SMARCA1: variants seen among roughly 807,000 people sequenced by gnomAD.
SMARCA1 encodes the protein SNF2 related chromatin remodeling ATPase 1.
A neutral mutation model predicts 93.6 loss-of-function variants in SMARCA1; 17 were observed. The ratio of observed to expected loss-of-function variants is 0.18; its 90% confidence interval spans 0.12 to 0.27. SMARCA1 has a LOEUF of 0.27. SMARCA1 is among the 10% of genes least tolerant of loss of function. The pLI is 1.00. For synonymous variants in SMARCA1, 271 were observed against 271.4 expected (o/e 1.00, Z 0.01); for missense variants, 630 against 819.0 (o/e 0.77, Z 2.82).
intron 14 of SMARCA1, among the ~76,000 whole-genome samples, chrX:129,491,513 C>T (rs1473992564): frequency 4.5e-5 from 5 of 111,635 alleles, no homozygotes; most frequent in Admixed American, 2.9e-4. Flanking sequence ...TGCCTTCTCT[C>T]CCAAATTGTT....
chrX:129,470,393 AAATAAT>A (rs200015779), intron 20 of SMARCA1, among the ~76,000 whole-genome samples: 1 of 110,257 alleles, frequency 9.1e-6, no homozygotes, highest in East Asian at 2.8e-4. Context: ...TGATCACCTT[AAATAAT>A]AATAATAATA....
chrX:129,480,674 A>G, intron 19 of SMARCA1, 27 bp downstream of exon 19: 4 of 669,466 alleles, frequency 6.0e-6, no homozygotes, highest in Non-Finnish European at 8.5e-6. Flanking sequence ...ATTATATTAT[A>G]TTAATCTTAA....
At chrX:129,452,828 C>T (rs1297210911) in intron 23 of SMARCA1, among the ~76,000 whole-genome samples, 3 of 112,058 alleles carry the variant, frequency 2.7e-5, no homozygotes, top group South Asian at 3.8e-4. Context: ...ACAAATTGCA[C>T]GTCTGTAGCA....
intron 23 of SMARCA1, among the ~76,000 whole-genome samples, chrX:129,451,293 G>A (rs1206658962): frequency 9.0e-6 from 1 of 111,724 alleles, no homozygotes; most frequent in East Asian, 2.8e-4. Context: ...AGTTGACCCT[G>A]ATGAGATTTG....
intron 19 of SMARCA1, among the ~76,000 whole-genome samples, chrX:129,472,246 C>T (rs1933160807): frequency 9.0e-6 from 1 of 111,579 alleles, no homozygotes; most frequent in South Asian, 3.8e-4. Flanking sequence ...CAAGGAAGCA[C>T]ATTGATTTAA....
chrX:129,480,988 G>T, intron 18 of SMARCA1, 87 bp downstream of exon 18: 2 of 606,503 alleles, frequency 3.3e-6, no homozygotes, highest in Non-Finnish European at 5.2e-6. Context: ...CTATGATTTG[G>T]CAATGATACA....
intron 10 of SMARCA1, among the ~76,000 whole-genome samples, chrX:129,498,523 T>C (rs1026887115): frequency 8.9e-6 from 1 of 111,732 alleles, no homozygotes; most frequent in Non-Finnish European, 1.9e-5. Flanking sequence ...CGATCAATGA[T>C]AATATGTAAT....
chrX:129,498,890 T>A (rs371155194), intron 10 of SMARCA1, among the ~76,000 whole-genome samples: 6 of 112,297 alleles, frequency 5.3e-5, no homozygotes, highest in East Asian at 5.5e-4. Flanking sequence ...TTCCCACTTA[T>A]GATTCCTTGT....
chrX:129,517,111 T>C (rs1315982463), intron 2 of SMARCA1, among the ~76,000 whole-genome samples: 1 of 111,280 alleles, frequency 9.0e-6, no homozygotes, highest in Non-Finnish European at 1.9e-5. Context: ...TTTGTGCTAG[T>C]AGCGTATAAA....
At chrX:129,503,960 C>G (rs1352544280) in intron 9 of SMARCA1, among the ~76,000 whole-genome samples, 4 of 84,235 alleles carry the variant, frequency 4.7e-5, no homozygotes, top group African/African-American at 1.9e-4. Flanking sequence ...GCGAGACTCT[C>G]TCTCAAAAAA....
At position 129,466,603 on chromosome X, in the gene SMARCA1, C is replaced by T. The variant is rs562725245; in HGVS notation, c.2699-641G>A. Among the ~76,000 whole-genome samples the T allele has an allele frequency of 7.2e-5, 8 of 110,768 alleles. No homozygotes were observed. The South Asian group carries it at 2.7e-3, about 37-fold the overall frequency. ...CCGGAAAGTGGAGGTTGCAGTGAGC[C>T]GAGATCGCGCCACTGCACTCCAGCC... On this transcript the variant is annotated intron_variant, in intron 21 of 24. Coordinates refer to ENST00000371121, the MANE Select transcript of SMARCA1 (RefSeq NM_001282874.2).
chrX:129,455,317 A>C (rs1932559512), intron 23 of SMARCA1, among the ~76,000 whole-genome samples: 1 of 110,782 alleles, frequency 9.0e-6, no homozygotes, highest in Non-Finnish European at 1.9e-5. Flanking sequence ...GACATAGATG[A>C]AGCTGGAAAC....
chrX:129,499,989 AACC>A, intron 9 of SMARCA1, 148 bp from the exon 10 acceptor site: 1 of 304,907 alleles, frequency 3.3e-6, no homozygotes, highest in Non-Finnish European at 5.8e-6. Context: ...CTTGGTAAAG[AACC>A]ACCAAGTAAG....
chrX:129,495,129 G>A (rs1176609318), intron 12 of SMARCA1, among the ~76,000 whole-genome samples: 1 of 112,278 alleles, frequency 8.9e-6, no homozygotes, highest in Non-Finnish European at 1.9e-5. Context: ...GTGCGAGCAT[G>A]CCCTGTGATG....
chrX:129,482,175 C>T (rs1475784071), intron 17 of SMARCA1, among the ~76,000 whole-genome samples: 4 of 65,703 alleles, frequency 6.1e-5, no homozygotes, highest in Non-Finnish European at 1.1e-4. Context: ...ACTCTGGGGA[C>T]TGTTGTGGGG....
rs776600300 is a variant in SMARCA1, at chrX:129,481,606, G to C, written c.2218-421C>G. On this transcript the variant is annotated intron_variant, in intron 17 of 24. Transcript: ENST00000371121. ...ATGCTCATCATCACTGGCCATCAGA[G>C]AAATGCAAATCAAAACCACAATGAG... is the stretch of plus-strand genomic sequence containing the variant. Among the ~76,000 whole-genome samples the C allele has an allele frequency of 1.2e-3, 137 of 111,809 alleles. 1 individual carries two copies. Among genetic ancestry groups the C allele is most frequent in the African/African-American group, 4.0e-3 (123 of 30,759 alleles).
At position 129,490,187 on chromosome X, in the gene SMARCA1, T is replaced by C; in HGVS notation, c.1821A>G (p.Arg607=). 13 of 1,184,475 alleles carry C rather than the reference T, an allele frequency of 1.1e-5. No individual in the cohort carries two copies. The highest frequency in any genetic ancestry group is 1.7e-5 in the African/African-American group (1 of 57,235). Residue 607 remains arginine, a synonymous_variant, in exon 15 of 25, where the codon CGA becomes CGG. Coordinates refer to ENST00000371121, the MANE Select transcript of SMARCA1 (RefSeq NM_001282874.2). ...GTTTCTTCTGACCAATACGATGTGC[T>C]CGATCCTAGTAGAAAGAGTTCTAAT... is the stretch of plus-strand genomic sequence containing the variant. ...NPQVDLQAMD[R]AHRIGQKKPV...
At chrX:129,485,277 G>A (rs1450414883) in intron 17 of SMARCA1, among the ~76,000 whole-genome samples, 1 of 112,458 alleles carries the variant, frequency 8.9e-6, no homozygotes, top group Non-Finnish European at 1.9e-5. Context: ...ACAGAGTCAA[G>A]GGAGATCATT....
rs781627889 is a variant in SMARCA1, at chrX:129,491,947, T to C, written c.1809A>G (p.Gln603=). ...ACCATTAAAGATTACTAACCATAGCTTGTAGATCAACCTGTGGGTTCCAGT... is the reference window on the plus strand; with the variant it reads ...ACCATTAAAGATTACTAACCATAGCCTGTAGATCAACCTGTGGGTTCCAGT... ...DSDWNPQVDL[Q]AMDRAHRIGQ... The change falls in exon 14 of 25, where the codon CAA becomes CAG. Residue 603 remains glutamine, a synonymous_variant. Transcript: ENST00000371121. The C allele has an allele frequency of 1.0e-5, 12 of 1,191,612 alleles. No homozygotes were observed. The African/African-American group carries it at 1.9e-4, about 19-fold the overall frequency.
Sources: allele counts gnomAD v4.1 joint callset (sites outside exome capture counted in the v4.1 genomes callset), GRCh38; gene constraint gnomAD v4.1.1; transcripts MANE v1.5; gene names NCBI Gene and HGNC (gene_info 2026-07-23, HGNC 2026-07-21).